LNX2: variants seen among roughly 807,000 people sequenced by gnomAD.
LNX2 encodes ligand of Numb protein X 2.
A neutral mutation model predicts 66.2 loss-of-function variants in LNX2; 35 were observed. The ratio of observed to expected loss-of-function variants is 0.53; its 90% CI spans 0.40 to 0.70. The LOEUF is 0.70. Among genes scored for constraint, LNX2 ranks in the 30% least tolerant of loss-of-function variants. The pLI is 0.00. For missense variants in LNX2, 791 were observed against 850.8 expected (o/e 0.93, Z 0.87); for synonymous variants, 337 against 315.6 (o/e 1.07, Z -0.72).
At chr13:27,615,123 C>T (rs73432853) in intron 1 of LNX2, among the ~76,000 whole-genome samples, 3,408 of 152,212 alleles carry the variant, frequency 0.022, 141 homozygotes, top group African/African-American at 0.077. Context: ...GTCTCCAAGA[C>T]CGCTCCCCTC....
chr13:27,579,676 CATAA>C (rs1485607972), intron 2 of LNX2, among the ~76,000 whole-genome samples: 2 of 152,164 alleles, frequency 1.3e-5, no homozygotes, highest in Non-Finnish European at 2.9e-5. Context: ...CTCTCAAAAT[CATAA>C]ATAACTGAAC....
intron 1 of LNX2, among the ~76,000 whole-genome samples, chr13:27,602,633 T>C (rs1464035383): frequency 6.6e-6 from 1 of 152,192 alleles, no homozygotes; most frequent in African/African-American, 2.4e-5. Context: ...CAGTTTTTGG[T>C]GATTATCAAC....
chr13:27,563,481 T>C (rs1955167116), intron 4 of LNX2, among the ~76,000 whole-genome samples: 1 of 152,216 alleles, frequency 6.6e-6, no homozygotes, highest in Non-Finnish European at 1.5e-5. Flanking sequence ...TCAATACTCA[T>C]ATAACATTTA....
At chr13:27,614,216 T>C (rs1482569890) in intron 1 of LNX2, among the ~76,000 whole-genome samples, 1 of 152,204 alleles carries the variant, frequency 6.6e-6, no homozygotes, top group Non-Finnish European at 1.5e-5. Flanking sequence ...GGAACCTGAA[T>C]TCAGCTAAGG....
chr13:27,560,587 C>CTATATATATAT (rs1313161860), intron 5 of LNX2, among the ~76,000 whole-genome samples: 3 of 69,448 alleles, frequency 4.3e-5, no homozygotes, highest in Admixed American at 1.1e-4. Context: ...ATATATATAG[C>CTATATATATAT]ATACTTGTGT....
chr13:27,586,122 T>C (rs1036944494), intron 1 of LNX2, among the ~76,000 whole-genome samples: 1 of 150,146 alleles, frequency 6.7e-6, no homozygotes, highest in Non-Finnish European at 1.5e-5. Context: ...TATACGTATA[T>C]ATATACACAC....
intron 1 of LNX2, among the ~76,000 whole-genome samples, chr13:27,618,591 A>G (rs1448134412): frequency 6.6e-6 from 1 of 152,198 alleles, no homozygotes; most frequent in Non-Finnish European, 1.5e-5. Flanking sequence ...CTGACTGGAT[A>G]AAGTCCAAAT....
chr13:27,606,378 G>A (rs1271690566), intron 1 of LNX2, among the ~76,000 whole-genome samples: 114 of 118,054 alleles, frequency 9.7e-4, no homozygotes, highest in Admixed American at 1.2e-3. Context: ...GATTTATAGC[G>A]AAAAAAAAAA....
intron 2 of LNX2, among the ~76,000 whole-genome samples, chr13:27,580,665 TC>T (rs2138391781): frequency 6.6e-6 from 1 of 152,318 alleles, no homozygotes; most frequent in African/African-American, 2.4e-5. Context: ...TATTTAGTTT[TC>T]CAACTCCTAA....
At chr13:27,601,189 A>G (rs1295691489) in intron 1 of LNX2, among the ~76,000 whole-genome samples, 2 of 152,202 alleles carry the variant, frequency 1.3e-5, no homozygotes. Context: ...TTTATAGATG[A>G]GGAAAACGGG....
At chr13:27,566,401 G>C (rs1013634203) in intron 4 of LNX2, among the ~76,000 whole-genome samples, 1 of 152,206 alleles carries the variant, frequency 6.6e-6, no homozygotes, top group African/African-American at 2.4e-5. Context: ...TGTACCACCA[G>C]CAACTAGTAT....
intron 2 of LNX2, 27 bp downstream of exon 2, chr13:27,581,270 G>C: frequency 1.4e-6 from 2 of 1,452,494 alleles, no homozygotes; most frequent in Non-Finnish European, 1.8e-6. Context: ...AAAATCTGGA[G>C]TTACTTCTTT....
Position 27,569,213 on chromosome 13 carries a change from T to A in LNX2, c.471A>T (p.Ala157=). The A allele has an allele frequency of 6.2e-7, 1 of 1,613,554 alleles. No individual in the cohort carries two copies. The highest frequency in any genetic ancestry group is 8.5e-7 in the Non-Finnish European group (1 of 1,179,700). Residue 157 remains alanine, a synonymous_variant, in exon 3 of 10, where the codon GCA becomes GCT. Coordinates refer to ENST00000316334, the MANE Select transcript of LNX2 (RefSeq NM_153371.4). ...LERRKTSRTQ[A]EIENENGPTL... Reference sequence around the variant, plus strand: ...TGGGCCCATTTTCATTCTCAATCTCTGCTTGAGTTCTACTAGTTTTCCTTC... The same window carrying A: ...TGGGCCCATTTTCATTCTCAATCTCAGCTTGAGTTCTACTAGTTTTCCTTC...
intron 4 of LNX2, among the ~76,000 whole-genome samples, chr13:27,563,262 T>G (rs994086713): frequency 2.0e-5 from 3 of 152,200 alleles, no homozygotes; most frequent in Non-Finnish European, 4.4e-5. Flanking sequence ...TAAATACACT[T>G]AAGCTAGAGA....
intron 6 of LNX2, among the ~76,000 whole-genome samples, chr13:27,557,139 A>G (rs1955071314): frequency 6.6e-6 from 1 of 152,170 alleles, no homozygotes; most frequent in Non-Finnish European, 1.5e-5. Flanking sequence ...GTAAAAAATA[A>G]GATGTACATA....
chr13:27,575,072 C>T (rs546304281), intron 2 of LNX2, among the ~76,000 whole-genome samples: 122 of 152,236 alleles, frequency 8.0e-4, no homozygotes, highest in Non-Finnish European at 1.2e-3. Context: ...TAAAAGAAGT[C>T]CATCAGGCTG....
chr13:27,610,234 G>A (rs1212931472), intron 1 of LNX2, among the ~76,000 whole-genome samples: 2 of 152,304 alleles, frequency 1.3e-5, no homozygotes, highest in Admixed American at 6.5e-5. Flanking sequence ...TTATATTTCA[G>A]CTTCAGCTAA....
At chr13:27,560,931 G>C (rs576931007) in intron 5 of LNX2, among the ~76,000 whole-genome samples, 10 of 152,028 alleles carry the variant, frequency 6.6e-5, no homozygotes, top group Non-Finnish European at 1.5e-4. Context: ...TAGAAAAGAA[G>C]TAAGAAACAA....
chr13:27,568,650 C>G (rs772796245), intron 3 of LNX2, among the ~76,000 whole-genome samples: 12 of 152,126 alleles, frequency 7.9e-5, no homozygotes, highest in Non-Finnish European at 1.3e-4. Flanking sequence ...TAGCACAGTG[C>G]CTGACACAGA....
Sources: gnomAD v4.1 joint callset for allele counts (sites outside exome capture counted in the v4.1 genomes callset) on GRCh38, gnomAD v4.1.1 for gene constraint, MANE v1.5 for transcripts, NCBI Gene and HGNC (gene_info 2026-07-23, HGNC 2026-07-21) for gene names.